CDKAL1: variants seen among roughly 807,000 people sequenced by gnomAD.
CDKAL1 encodes the protein CDKAL1 threonylcarbamoyladenosine tRNA methylthiotransferase.
Under a neutral mutation model 68.2 loss-of-function variants are expected in CDKAL1, and 32 were observed. That is an observed-to-expected ratio of 0.47 (90% CI 0.35 to 0.63). The LOEUF is 0.63. CDKAL1 is among the 30% of genes least tolerant of loss of function. The pLI is 0.00. For missense variants in CDKAL1, 606 were observed against 696.7 expected, an observed-to-expected ratio of 0.87 and a Z score of 1.47; for synonymous variants, 234 against 244.3, an observed-to-expected ratio of 0.96 and a Z score of 0.39.
At chr6:20,986,593 G>C (rs1460322601) in intron 10 of CDKAL1, among the ~76,000 whole-genome samples, 1 of 150,954 alleles carries the variant, frequency 6.6e-6, no homozygotes, top group Non-Finnish European at 1.5e-5. Context: ...ACCCTCAAAT[G>C]TACAATTCTC....
intron 5 of CDKAL1, among the ~76,000 whole-genome samples, chr6:20,734,393 A>G (rs1773092763): frequency 6.6e-6 from 1 of 152,172 alleles, no homozygotes; most frequent in Non-Finnish European, 1.5e-5. Context: ...ATGGAAATTA[A>G]TACTATTTTA....
At chr6:20,837,469 A>G (rs1364454797) in intron 8 of CDKAL1, among the ~76,000 whole-genome samples, 1 of 152,150 alleles carries the variant, frequency 6.6e-6, no homozygotes, top group East Asian at 1.9e-4. Flanking sequence ...CAAAAACAAT[A>G]GTTTTGTTCA....
intron 13 of CDKAL1, among the ~76,000 whole-genome samples, chr6:21,157,024 C>A (rs1292990717): frequency 6.6e-6 from 1 of 152,100 alleles, no homozygotes; most frequent in Admixed American, 6.5e-5. Context: ...GCGCCATATT[C>A]TTTGTTTCTA....
rs368848336 is a variant in CDKAL1 at position 20,761,544 on chromosome 6, A to G, written c.517+2901A>G. On this transcript the variant is annotated intron_variant, in intron 7 of 15. Transcript: ENST00000274695. The stretch of plus-strand genomic sequence containing the variant: ...ATGGCCCTTTAGTAAGTAAATAGAT[A>G]AAGAAACTGTGGTACATGCAGACAA... Among the ~76,000 whole-genome samples, 55 of 152,320 alleles carry G rather than the reference A, an allele frequency of 3.6e-4. 1 individual carries two copies. The East Asian group carries it at 8.9e-3, about 25-fold the overall frequency.
intron 12 of CDKAL1, among the ~76,000 whole-genome samples, chr6:21,067,026 T>C (rs1198040049): frequency 6.6e-6 from 1 of 152,220 alleles, no homozygotes; most frequent in Non-Finnish European, 1.5e-5. Flanking sequence ...CAATCTATTC[T>C]TTTTTTAAAC....
chr6:20,772,665 T>A (rs1255030092), intron 7 of CDKAL1, among the ~76,000 whole-genome samples: 1 of 152,228 alleles, frequency 6.6e-6, no homozygotes, highest in Non-Finnish European at 1.5e-5. Flanking sequence ...CTAAGAACAT[T>A]CCATTCCAAT....
intron 13 of CDKAL1, among the ~76,000 whole-genome samples, chr6:21,166,184 G>A (rs186269562): frequency 2.2e-3 from 333 of 152,240 alleles, no homozygotes; most frequent in Non-Finnish European, 3.7e-3. Flanking sequence ...GGGGGTAGTC[G>A]TAGGGATACA....
In CDKAL1 at chr6:20,810,632, GT is replaced by G. The variant is rs1561796677; in HGVS notation, c.638+29368del. ...AGATTATGTGTGTATGTATGGGTGT[GT>G]GTGTGTGTGTGTGTGTGTGTGTGTG... On this transcript the variant is annotated intron_variant, in intron 8 of 15. Transcript: ENST00000274695. 8.2e-5 allele frequency among the ~76,000 whole-genome samples: 4 copies of G among 48,992 alleles called. No homozygotes were observed. In the East Asian group the frequency reaches 1.3e-3, roughly 15 times the overall value. 32.1% of individuals were successfully genotyped at this position (48,992 alleles called of 152,430 possible).
chr6:20,566,504 T>G (rs1764466860), intron 4 of CDKAL1, among the ~76,000 whole-genome samples: 1 of 151,366 alleles, frequency 6.6e-6, no homozygotes, highest in Non-Finnish European at 1.5e-5. Flanking sequence ...TACATAATTT[T>G]AATAGGACTT....
chr6:21,100,764 T>A (rs74383294), intron 12 of CDKAL1, among the ~76,000 whole-genome samples: 2,856 of 152,260 alleles, frequency 0.019, 36 homozygotes, highest in Non-Finnish European at 0.028. Context: ...AACTTGAGGT[T>A]CATGGTTTAA....
At chr6:21,018,391 C>T (rs983587261) in intron 11 of CDKAL1, among the ~76,000 whole-genome samples, 2 of 152,134 alleles carry the variant, frequency 1.3e-5, no homozygotes, top group African/African-American at 4.8e-5. Flanking sequence ...TGCAGGAGCT[C>T]CTGTGAAAAT....
intron 15 of CDKAL1, among the ~76,000 whole-genome samples, chr6:21,219,047 C>T (rs1779441060): frequency 6.6e-6 from 1 of 152,032 alleles, no homozygotes; most frequent in African/African-American, 2.4e-5. Flanking sequence ...TGTCTTGGAA[C>T]AGATTTTTGG....
intron 10 of CDKAL1, among the ~76,000 whole-genome samples, chr6:20,981,638 G>C (rs1298729073): frequency 6.6e-6 from 1 of 152,190 alleles, no homozygotes; most frequent in African/African-American, 2.4e-5. Flanking sequence ...TCAGGAGTTT[G>C]AGACCAGCCT....
At chr6:20,996,865 A>G (rs1056880034) in intron 10 of CDKAL1, among the ~76,000 whole-genome samples, 2 of 152,312 alleles carry the variant, frequency 1.3e-5, no homozygotes, top group East Asian at 3.9e-4. Context: ...GTATATACCT[A>G]TAGATTTACA....
chr6:20,678,252 G>A (rs980307813), intron 5 of CDKAL1, among the ~76,000 whole-genome samples: 1 of 152,096 alleles, frequency 6.6e-6, no homozygotes, highest in Non-Finnish European at 1.5e-5. Context: ...TAATTTTATT[G>A]TCAGTTGTGT....
intron 13 of CDKAL1, among the ~76,000 whole-genome samples, chr6:21,137,186 G>A (rs1775649022): frequency 6.6e-6 from 1 of 152,086 alleles, no homozygotes; most frequent in African/African-American, 2.4e-5. Flanking sequence ...GATTGACAAC[G>A]GAGAAAGAAC....
At chr6:21,068,505 C>T (rs1002733225) in intron 12 of CDKAL1, among the ~76,000 whole-genome samples, 4 of 152,096 alleles carry the variant, frequency 2.6e-5, no homozygotes, top group Admixed American at 6.6e-5. Context: ...TTGTCTCACT[C>T]GCCTGCCTGG....
At chr6:20,632,409 A>G (rs1409980044) in intron 4 of CDKAL1, among the ~76,000 whole-genome samples, 3 of 152,332 alleles carry the variant, frequency 2.0e-5, no homozygotes, top group Non-Finnish European at 4.4e-5. Context: ...CTTTTGCACC[A>G]TTGTAAGGTT....
At chr6:21,019,904 C>CTT (rs5874800) in intron 11 of CDKAL1, among the ~76,000 whole-genome samples, 18 of 149,136 alleles carry the variant, frequency 1.2e-4, no homozygotes, top group South Asian at 6.4e-4. Context: ...TAATTTTTAC[C>CTT]TTTTTTTTTT....
Sources: gnomAD v4.1 joint callset for allele counts (sites outside exome capture counted in the v4.1 genomes callset) on GRCh38, gnomAD v4.1.1 for gene constraint, MANE v1.5 for transcripts, NCBI Gene and HGNC (gene_info 2026-07-23, HGNC 2026-07-21) for gene names.